GPBP1: variants seen among roughly 807,000 people sequenced by gnomAD.
GPBP1 encodes the protein vasculin.
In GPBP1, 13 loss-of-function variants were observed where a neutral mutation model predicts 56.5. That is an observed-to-expected ratio of 0.23 (90% CI 0.15 to 0.37). The LOEUF (loss-of-function observed/expected upper bound fraction) is 0.37, where lower values mean the gene tolerates loss of function less well. Ranked by LOEUF, GPBP1 falls within the 10% of genes least tolerant of loss-of-function variation. The pLI, the probability that GPBP1 is intolerant of heterozygous loss-of-function variation, is 1.00. For missense variants in GPBP1, 477 were observed against 572.3 expected, an observed-to-expected ratio of 0.83 and a Z score of 1.70; for synonymous variants, 204 against 188.9, an observed-to-expected ratio of 1.08 and a Z score of -0.66.
In GPBP1 at chr5:57,211,576, T is replaced by TTTGTTGTTGTTGTTGTTG. The variant is rs71287163; in HGVS notation, c.-57-2488_-57-2471dup. Among the ~76,000 whole-genome samples the TTTGTTGTTGTTGTTGTTG allele has an allele frequency of 2.7e-3, 410 of 151,030 alleles. 3 individuals carry two copies. Among genetic ancestry groups the TTTGTTGTTGTTGTTGTTG allele is most frequent in the Admixed American group, 0.014 (219 of 15,182 alleles). ...ATTTTAGTGGTTTGCCTCCGGGGAT[T>TTTGTTGTTGTTGTTGTTG]TTGTTGTTGTTGTTGTTGTTGTTGT... On this transcript the variant is annotated intron_variant, in intron 2 of 11. Coordinates refer to ENST00000506184, the MANE Select transcript of GPBP1 (RefSeq NM_022913.4).
chr5:57,231,348 A>G, intron 5 of GPBP1, 27 bp downstream of exon 5: 1 of 1,569,302 alleles, frequency 6.4e-7, no homozygotes, highest in Non-Finnish European at 8.7e-7. Context: ...TTTTATACAA[A>G]TGAAGTTTCT....
chr5:57,261,469 G>T (rs1265148606), intron 11 of GPBP1, among the ~76,000 whole-genome samples, 187 bp downstream of exon 11: 1 of 152,032 alleles, frequency 6.6e-6, no homozygotes, highest in Non-Finnish European at 1.5e-5. Context: ...GAACTCCTGG[G>T]TGCCAGGTGA....
chr5:57,213,532 A>C (rs556749654), intron 2 of GPBP1, among the ~76,000 whole-genome samples: 78 of 152,200 alleles, frequency 5.1e-4, no homozygotes, highest in Non-Finnish European at 9.1e-4. Context: ...CTGCCCATTA[A>C]AAGCCACTAT....
At chr5:57,232,957 G>C (rs1052665035) in intron 5 of GPBP1, among the ~76,000 whole-genome samples, 1 of 152,146 alleles carries the variant, frequency 6.6e-6, no homozygotes, top group Non-Finnish European at 1.5e-5. Flanking sequence ...TATTAGACAA[G>C]GTTAGAGAGA....
intron 2 of GPBP1, among the ~76,000 whole-genome samples, chr5:57,178,577 T>C (rs1030662871): frequency 6.6e-6 from 1 of 152,194 alleles, no homozygotes; most frequent in Non-Finnish European, 1.5e-5. Context: ...TTACTGATAT[T>C]GTTAATCTAA....
intron 3 of GPBP1, among the ~76,000 whole-genome samples, chr5:57,215,364 C>T (rs901976873): frequency 3.3e-5 from 5 of 152,150 alleles, no homozygotes; most frequent in African/African-American, 1.2e-4. Flanking sequence ...GGTGATTTAT[C>T]TGAGTTTTCT....
In GPBP1 at chr5:57,249,486, C is replaced by T; in HGVS notation, c.882C>T (p.Arg294=). The change falls in exon 9 of 12, where the codon CGC becomes CGT. Residue 294 remains arginine (R), a synonymous_variant. Transcript: ENST00000506184. ...QPRLTKLTRM[R]TDKKSEFLKA... is the part of the protein sequence containing the mutation. ...GTCTAACCAAACTGACACGAATGCG[C>T]ACTGATAAGAAGAGTGAATTTTTGA... 2.5e-6 allele frequency: 4 copies of T among 1,612,400 alleles called. No homozygotes were observed. Among genetic ancestry groups the T allele is most frequent in the Non-Finnish European group, 3.4e-6 (4 of 1,179,226 alleles).
At chr5:57,178,954 TTA>T (rs1753917657) in intron 2 of GPBP1, among the ~76,000 whole-genome samples, 1 of 152,194 alleles carries the variant, frequency 6.6e-6, no homozygotes, top group Non-Finnish European at 1.5e-5. Context: ...GCTGTGTAAT[TTA>T]TGTGGCATAT....
At chr5:57,241,836 A>C (rs955786445) in intron 6 of GPBP1, among the ~76,000 whole-genome samples, 4 of 152,212 alleles carry the variant, frequency 2.6e-5, no homozygotes, top group African/African-American at 7.2e-5. Flanking sequence ...TTCTTCATAT[A>C]ATTAACCAAG....
chr5:57,179,154 G>A (rs931550007), intron 2 of GPBP1, among the ~76,000 whole-genome samples: 1 of 152,168 alleles, frequency 6.6e-6, no homozygotes, highest in Non-Finnish European at 1.5e-5. Flanking sequence ...TACTTACACT[G>A]CCTTCTTGGG....
intron 2 of GPBP1, among the ~76,000 whole-genome samples, chr5:57,209,151 T>C (rs1580007921): frequency 6.6e-6 from 1 of 152,210 alleles, no homozygotes; most frequent in African/African-American, 2.4e-5. Context: ...AACAGCTGTT[T>C]TTGTGTGTTG....
rs894216838 is a variant in GPBP1, at chr5:57,176,272, T to C, written c.-186T>C. 7 of 355,502 alleles carry C rather than the reference T, an allele frequency of 2.0e-5. No homozygotes were observed. The highest frequency in any genetic ancestry group is 8.4e-5 in the African/African-American group (4 of 47,834). 22.0% of individuals were successfully genotyped at this position (355,502 alleles called of 1,614,324 possible). On this transcript the variant is annotated 5_prime_UTR_variant, in exon 2 of 12. Coordinates refer to ENST00000506184, the MANE Select transcript of GPBP1 (RefSeq NM_022913.4). ...TGACTTGAAGTAACTCTATGTCAAA[T>C]AGTCGTAGGTTAAGTATCTTCAAAG...
At chr5:57,190,694 CTTTTT>C (rs773540051) in intron 2 of GPBP1, among the ~76,000 whole-genome samples, 16 of 68,864 alleles carry the variant, frequency 2.3e-4, no homozygotes, top group Admixed American at 9.2e-4. Flanking sequence ...TTGCTGTTAG[CTTTTT>C]TTTTTTTTTT....
At chr5:57,226,013 A>G (rs1333103411) in intron 3 of GPBP1, among the ~76,000 whole-genome samples, 1 of 152,238 alleles carries the variant, frequency 6.6e-6, no homozygotes, top group Admixed American at 6.5e-5. Context: ...GACAGTGTTC[A>G]TGTTTCTGAA....
Position 57,247,753 on chromosome 5 carries a change from G to C in GPBP1, c.804+538G>C, listed in dbSNP as rs1468672966. Among the ~76,000 whole-genome samples, 56 of 151,976 alleles carry C rather than the reference G, an allele frequency of 3.7e-4. 1 individual carries two copies. The highest frequency in any genetic ancestry group is 3.7e-3 in the Admixed American group (56 of 15,260). ...CTAATAAACAAAGAATAATTTTTTG[G>C]GGGGTGGTAGGAGGGACAGAGTCTC... On this transcript the variant is annotated intron_variant, in intron 8 of 11. Coordinates refer to ENST00000506184, the MANE Select transcript of GPBP1 (RefSeq NM_022913.4).
At chr5:57,239,033 A>G (rs576610014) in intron 6 of GPBP1, among the ~76,000 whole-genome samples, 14 of 152,326 alleles carry the variant, frequency 9.2e-5, no homozygotes, top group Admixed American at 2.0e-4. Context: ...TATTAATAGG[A>G]ACTTTGGTAA....
chr5:57,225,351 A>G (rs1461706674), intron 3 of GPBP1, among the ~76,000 whole-genome samples: 4 of 151,840 alleles, frequency 2.6e-5, no homozygotes, highest in Non-Finnish European at 4.4e-5. Context: ...AATATTAGCC[A>G]GGCGTGGTGG....
At chr5:57,249,648 C>G (rs1263389375) in intron 9 of GPBP1, 72 bp downstream of exon 9, 3 of 1,192,722 alleles carry the variant, frequency 2.5e-6, no homozygotes, top group Non-Finnish European at 3.5e-6. Flanking sequence ...GTATTAGGAC[C>G]TTGGAATACA....
chr5:57,178,477 C>G (rs1753896049), intron 2 of GPBP1, among the ~76,000 whole-genome samples: 1 of 152,146 alleles, frequency 6.6e-6, no homozygotes, highest in Admixed American at 6.6e-5. Context: ...AACTCCTGAC[C>G]TCAGATGATT....
Sources: allele counts gnomAD v4.1 joint callset (sites outside exome capture counted in the v4.1 genomes callset), GRCh38; gene constraint gnomAD v4.1.1; transcripts MANE v1.5; gene names NCBI Gene and HGNC (gene_info 2026-07-23, HGNC 2026-07-21).